The following GRB2 variants were observed in gnomAD, a reference collection of about 807,000 sequenced individuals.
GRB2 encodes the protein growth factor receptor-bound protein 2.
GRB2 carries 2 observed loss-of-function variants against 27.4 expected under a neutral mutation model. That is an observed-to-expected ratio of 0.07 (90% confidence interval 0.03 to 0.23). The LOEUF is 0.23. GRB2 is among the 10% of genes least tolerant of loss of function. The probability of loss-of-function intolerance (pLI) is 1.00; values close to 1 mark genes in which losing one functional copy is unlikely to be tolerated. For synonymous variants in GRB2, 94 were observed against 99.6 expected (o/e 0.94, Z 0.33); for missense variants, 102 against 282.4 (o/e 0.36, Z 4.58).
intron 4 of GRB2, among the ~76,000 whole-genome samples, chr17:75,325,317 A>G (rs995671277): frequency 2.0e-5 from 3 of 152,230 alleles, no homozygotes; most frequent in Non-Finnish European, 2.9e-5. Flanking sequence ...CCGACTTCAC[A>G]GCTGAGGTGT....
intron 2 of GRB2, among the ~76,000 whole-genome samples, chr17:75,355,878 T>A (rs1180426411): frequency 6.7e-6 from 1 of 149,074 alleles, no homozygotes; most frequent in Admixed American, 6.8e-5. Context: ...GGTTGGAGTG[T>A]GGAGTACAGT....
At chr17:75,373,041 G>C (rs2078866310) in intron 2 of GRB2, 1 of 152,140 alleles carries the variant, frequency 6.6e-6, no homozygotes, top group Non-Finnish European at 1.5e-5. Context: ...AGGAGTTTGA[G>C]ACCAGCCTGG....
At chr17:75,331,104 G>A (rs2078538544) in intron 3 of GRB2, among the ~76,000 whole-genome samples, 2 of 152,206 alleles carry the variant, frequency 1.3e-5, no homozygotes, top group Admixed American at 1.3e-4. Context: ...TGAACATCCA[G>A]CCACAGAGCA....
chr17:75,350,070 A>C (rs917126684), intron 2 of GRB2, among the ~76,000 whole-genome samples: 2 of 151,996 alleles, frequency 1.3e-5, no homozygotes, highest in Non-Finnish European at 2.9e-5. Flanking sequence ...TACATAGTCA[A>C]GACTAAGGGA....
chr17:75,341,775 G>A (rs946660235), intron 2 of GRB2, among the ~76,000 whole-genome samples: 18 of 152,286 alleles, frequency 1.2e-4, no homozygotes, highest in African/African-American at 4.1e-4. Context: ...GGGGATCAGT[G>A]TGACAGGGAA....
intron 2 of GRB2, among the ~76,000 whole-genome samples, chr17:75,385,163 A>G (rs975127097): frequency 1.3e-5 from 2 of 151,574 alleles, no homozygotes; most frequent in African/African-American, 4.8e-5. Flanking sequence ...ATTCCTTGAG[A>G]CTGAGAGGTC....
intron 2 of GRB2, among the ~76,000 whole-genome samples, chr17:75,339,789 G>T (rs1012185095): frequency 1.3e-5 from 2 of 151,962 alleles, no homozygotes; most frequent in Non-Finnish European, 2.9e-5. Flanking sequence ...ACCACACCTG[G>T]CTAATTGTTT....
intron 2 of GRB2, among the ~76,000 whole-genome samples, chr17:75,353,001 T>C (rs1025544595): frequency 6.0e-5 from 9 of 151,172 alleles, no homozygotes; most frequent in East Asian, 3.9e-4. Flanking sequence ...CTGGCTAACA[T>C]AGTGAAACCC....
chr17:75,324,674 T>C (rs2078486975), intron 4 of GRB2, among the ~76,000 whole-genome samples: 1 of 151,976 alleles, frequency 6.6e-6, no homozygotes, highest in African/African-American at 2.4e-5. Context: ...TGTGCCACTA[T>C]GCCTGGGTTA....
intron 2 of GRB2, among the ~76,000 whole-genome samples, chr17:75,348,234 C>T (rs2078667165): frequency 6.6e-6 from 1 of 152,128 alleles, no homozygotes; most frequent in Admixed American, 6.6e-5. Flanking sequence ...TTTGTGGAGG[C>T]AGGGTCTCAC....
intron 3 of GRB2, among the ~76,000 whole-genome samples, chr17:75,329,261 T>A (rs931478505): frequency 4.6e-5 from 7 of 152,104 alleles, no homozygotes; most frequent in African/African-American, 1.7e-4. Flanking sequence ...GGAGGTTTTT[T>A]CCCATTTGTA....
rs1018399352 is a variant in GRB2, at chr17:75,320,733, C to T, written c.469-180G>A. Among the ~76,000 whole-genome samples the T allele has an allele frequency of 1.4e-4, 22 of 152,044 alleles. No individual in the cohort carries two copies. Among genetic ancestry groups the T allele is most frequent in the African/African-American group, 3.9e-4 (16 of 41,388 alleles). ...ACCTATTCTAAGTTTACAGGCCAAG[C>T]GGGTTTAGTGTGATATTTCCCAGTG... On this transcript the variant is annotated intron_variant, in intron 5 of 5. Transcript: ENST00000316804. This position sits in a 1 kb window ranked among gnomAD's most constrained non-coding sequence, Gnocchi z 4.3.
At chr17:75,327,545 A>G (rs1372305584) in intron 3 of GRB2, among the ~76,000 whole-genome samples, 1 of 148,560 alleles carries the variant, frequency 6.7e-6, no homozygotes, top group Non-Finnish European at 1.5e-5. Context: ...TAATTTTTGT[A>G]TTTTTAATAG....
rs568948268 is a variant in GRB2 at position 75,366,874 on chromosome 17, A to G, written c.78+26677T>C. On this transcript the variant is annotated intron_variant, in intron 2 of 5. Transcript: ENST00000316804. ...TGAAATAAGCCAATGAAAACGAAAA[A>G]TACTTCTTAAATCTCTAATAACTAG... Among the ~76,000 whole-genome samples, 72 of 152,264 alleles carry G rather than the reference A, an allele frequency of 4.7e-4. No individual in the cohort carries two copies. In the South Asian group the frequency reaches 7.1e-3, roughly 15 times the overall value.
chr17:75,393,917 ACTTCTTC>A (rs2079015095), intron 1 of GRB2, 152 bp from the exon 2 acceptor site: 1 of 414,702 alleles, frequency 2.4e-6, no homozygotes, highest in Non-Finnish European at 4.1e-6. Context: ...CCCCCCGCCG[ACTTCTTC>A]CTCTTTTCAG....
At chr17:75,340,117 T>C (rs2053160) in intron 2 of GRB2, among the ~76,000 whole-genome samples, 90,602 of 152,124 alleles carry the variant, frequency 0.6, 32,360 homozygotes, top group East Asian at 0.87. Flanking sequence ...TGTACAGTTA[T>C]GGTCCCATCA....
At chr17:75,361,504 C>T (rs898540935) in intron 2 of GRB2, among the ~76,000 whole-genome samples, 1 of 152,136 alleles carries the variant, frequency 6.6e-6, no homozygotes, top group African/African-American at 2.4e-5. Flanking sequence ...CAACTAACTG[C>T]GTAATTTATC....
intron 3 of GRB2, among the ~76,000 whole-genome samples, chr17:75,331,839 G>T (rs1430725862): frequency 6.6e-6 from 1 of 152,190 alleles, no homozygotes; most frequent in Non-Finnish European, 1.5e-5. Flanking sequence ...GAAGGAAACA[G>T]AAGTACACAA....
chr17:75,387,189 G>T (rs890013667), intron 2 of GRB2, among the ~76,000 whole-genome samples: 15 of 151,896 alleles, frequency 9.9e-5, no homozygotes, highest in African/African-American at 3.4e-4. Context: ...TGCCAATCTT[G>T]CCCAGGACGG....
Sources: gnomAD v4.1 joint callset for allele counts (sites outside exome capture counted in the v4.1 genomes callset) on GRCh38, gnomAD v4.1.1 for gene constraint, Gnocchi (gnomAD v3.1) non-coding constraint, MANE v1.5 for transcripts, NCBI Gene and HGNC (gene_info 2026-07-23, HGNC 2026-07-21) for gene names.